The following ABHD2 variants were observed in gnomAD, a reference collection of about 807,000 sequenced individuals.
ABHD2 encodes the protein abhydrolase domain containing 2, acylglycerol lipase, also known as monoacylglycerol lipase ABHD2.
Under a neutral mutation model 48.1 loss-of-function variants are expected in ABHD2, and 20 were observed. The observed-to-expected ratio is 0.42, with a 90% CI of 0.29 to 0.60. ABHD2 has a LOEUF of 0.60. Ranked by LOEUF, ABHD2 falls within the 20% of genes least tolerant of loss-of-function variation. The pLI, the probability that ABHD2 is intolerant of heterozygous loss-of-function variation, is 0.24. For missense variants in ABHD2, 405 were observed against 550.9 expected, an observed-to-expected ratio of 0.74 and a Z score of 2.65; for synonymous variants, 209 against 214.2, an observed-to-expected ratio of 0.98 and a Z score of 0.21.
chr15:89,067,207 G>A, the ABHD2 span, among the ~76,000 whole-genome samples: 3 of 152,158 alleles, frequency 2.0e-5, no homozygotes, highest in African/African-American at 7.2e-5. Flanking sequence ...AGCTCTGGAA[G>A]CCCACACTAT....
chr15:89,117,848 A>G (rs2049985916), intron 3 of ABHD2, among the ~76,000 whole-genome samples: 1 of 152,176 alleles, frequency 6.6e-6, no homozygotes, highest in Non-Finnish European at 1.5e-5. Context: ...TAATTTTCAC[A>G]TGTACTATTA....
chr15:89,175,760 C>T lies in ABHD2; in HGVS notation c.539-52C>T. 6.2e-7 allele frequency: 1 copy of T among 1,603,200 alleles called. No individual in the cohort carries two copies. Among genetic ancestry groups the T allele is most frequent in the Non-Finnish European group, 8.5e-7 (1 of 1,172,966 alleles). On this transcript the variant is annotated intron_variant, in intron 5 of 10. Transcript: ENST00000352732. This position sits in a 1 kb window ranked among gnomAD's most constrained non-coding sequence, Gnocchi z 5.7. ...AGTAACGTTCCAGCTTGCATTTTCT[C>T]CAGATAGGATGCACCTGAAATGATT...
Position 89,130,927 on chromosome 15 carries a change from G to A in ABHD2, c.194+14406G>A, listed in dbSNP as rs74032745. 3.7e-3 allele frequency among the ~76,000 whole-genome samples: 569 copies of A among 152,276 alleles called. 5 individuals are homozygous for A. Among genetic ancestry groups the A allele is most frequent in the African/African-American group, 0.013 (550 of 41,544 alleles). On this transcript the variant is annotated intron_variant, in intron 3 of 10. Transcript: ENST00000352732. Reference sequence around the variant, plus strand: ...GAGAAGCAGCACACCTGTGTCCAGAGAAGAGGAGAATAATCATGGCCACAG... The same window carrying A: ...GAGAAGCAGCACACCTGTGTCCAGAAAAGAGGAGAATAATCATGGCCACAG...
chr15:89,051,298 A>T, the ABHD2 span, among the ~76,000 whole-genome samples: 1 of 152,216 alleles, frequency 6.6e-6, no homozygotes, highest in Non-Finnish European at 1.5e-5. Context: ...GATGCTTCAT[A>T]AATCCTATAT....
intron 3 of ABHD2, among the ~76,000 whole-genome samples, chr15:89,132,524 T>C (rs1049669040): frequency 6.6e-6 from 1 of 152,228 alleles, no homozygotes; most frequent in Non-Finnish European, 1.5e-5. Flanking sequence ...CAGATAGATA[T>C]AGATGAAAAG....
At position 89,116,560 on chromosome 15, in the gene ABHD2, A is replaced by G. The variant is rs1027951303; in HGVS notation, c.194+39A>G. On this transcript the variant is annotated intron_variant, in intron 3 of 10. Coordinates refer to ENST00000352732, the MANE Select transcript of ABHD2 (RefSeq NM_152924.5). This position sits in a 1 kb window ranked among gnomAD's most constrained non-coding sequence, Gnocchi z 4.6. ...ATGCCCTCTGTATGCTCAGCTGCTG[A>G]TGTATTTGGCTTTGTGTGATGTTCA... The G allele has an allele frequency of 2.5e-6, 4 of 1,583,440 alleles. No individual in the cohort carries two copies. The highest frequency in any genetic ancestry group is 1.8e-5 in the Admixed American group (1 of 56,080).
the ABHD2 span, among the ~76,000 whole-genome samples, chr15:89,071,206 G>C: frequency 6.6e-6 from 1 of 152,110 alleles, no homozygotes; most frequent in Admixed American, 6.5e-5. Context: ...GATCACCTGA[G>C]GTCAGGAGTT....
At chr15:89,078,711 C>G in the ABHD2 span, among the ~76,000 whole-genome samples, 1 of 150,228 alleles carries the variant, frequency 6.7e-6, no homozygotes, top group Non-Finnish European at 1.5e-5. Context: ...TGAATCTCAC[C>G]CTGACAATGT....
At position 89,177,212 on chromosome 15, in the gene ABHD2, TC is replaced by T. The variant is rs2051029154; in HGVS notation, c.722+1218del. Among the ~76,000 whole-genome samples the T allele has an allele frequency of 6.6e-6, 1 of 152,244 alleles. No individual in the cohort carries two copies. Among genetic ancestry groups the T allele is most frequent in the Non-Finnish European group, 1.5e-5 (1 of 68,046 alleles). On this transcript the variant is annotated intron_variant, in intron 6 of 10. Transcript: ENST00000352732. This position sits in a 1 kb window ranked among gnomAD's most constrained non-coding sequence, Gnocchi z 5.6. ...ATGATGATGATAAGCAGTACCTACC[TC>T]ATAGCACCGCTGAGAGTCAAATGAG...
Position 89,200,747 on chromosome 15 carries a change from C to A in ABHD2, c.*5324C>A. 4.3e-6 allele frequency: 1 copy of A among 234,202 alleles called. No individual in the cohort carries two copies. Among genetic ancestry groups the A allele is most frequent in the Non-Finnish European group, 8.8e-6 (1 of 114,018 alleles). The allele number at this position is 234,202 out of a possible 1,614,324, so 14.5% of individuals were successfully genotyped here. ...GTCAAGAGAAAAAAAAAAGAAATAGCACTCTGCATGCTTTGCTCTACAAGA... is the reference window on the plus strand; with the variant it reads ...GTCAAGAGAAAAAAAAAAGAAATAGAACTCTGCATGCTTTGCTCTACAAGA... On this transcript the variant is annotated 3_prime_UTR_variant, in exon 11 of 11. Coordinates refer to ENST00000352732, the MANE Select transcript of ABHD2 (RefSeq NM_152924.5).
rs138300896 is a variant in ABHD2 at position 89,141,804 on chromosome 15, G to T, written c.195-9873G>T. Among the ~76,000 whole-genome samples the T allele has an allele frequency of 2.6e-3, 394 of 152,290 alleles. 1 individual carries two copies. Among genetic ancestry groups the T allele is most frequent in the African/African-American group, 9.0e-3 (373 of 41,564 alleles). On this transcript the variant is annotated intron_variant, in intron 3 of 10. Transcript: ENST00000352732. ...ACGTTGACCAGCTCCTCAATAAACA[G>T]ATTTCTATCAGGAATATCTACCAGG... is the stretch of plus-strand genomic sequence containing the variant.
At position 89,155,433 on chromosome 15, in the gene ABHD2, T is replaced by C. The variant is rs750221014; in HGVS notation, c.437T>C (p.Phe146Ser). Residue 146 changes from phenylalanine (F) to serine (S), a missense_variant, in exon 5 of 11, where the codon TTC (phenylalanine) becomes TCC (serine). Phe to Ser is a radical substitution (Grantham distance 155). Transcript: ENST00000352732. The surrounding 1 kb of genome is among the most constrained non-coding windows in gnomAD (Gnocchi z 4.9). ...NHSEKQYIRT[F>S]VDYAQKNGYR... ...AGCGAGAAGCAATACATCCGCACTTTCGTTGACTACGCCCAGAAAAATGGC... is the reference window on the plus strand; with the variant it reads ...AGCGAGAAGCAATACATCCGCACTTCCGTTGACTACGCCCAGAAAAATGGC... 3 of 1,614,196 alleles carry C rather than the reference T, an allele frequency of 1.9e-6. No homozygotes were observed. Among genetic ancestry groups the C allele is most frequent in the Non-Finnish European group, 2.5e-6 (3 of 1,180,034 alleles).
chr15:89,156,172 G>A (rs2050670704), intron 5 of ABHD2, among the ~76,000 whole-genome samples: 1 of 134,026 alleles, frequency 7.5e-6, no homozygotes, highest in African/African-American at 2.8e-5. Context: ...CCAGGCTGGA[G>A]TGCAGTGGCA....
At chr15:89,099,310 T>G (rs1596061618) in intron 1 of ABHD2, among the ~76,000 whole-genome samples, 1 of 152,284 alleles carries the variant, frequency 6.6e-6, no homozygotes, top group South Asian at 2.1e-4. Context: ...AAAGTTATCA[T>G]GATTTGGCCA....
In ABHD2 at chr15:89,091,362, C is replaced by T. The variant is rs924971396; in HGVS notation, c.-107+2799C>T. 6.6e-6 allele frequency among the ~76,000 whole-genome samples: 1 copy of T among 152,160 alleles called. No homozygotes were observed. The highest frequency in any genetic ancestry group is 2.4e-5 in the African/African-American group (1 of 41,434). On this transcript the variant is annotated intron_variant, in intron 1 of 10. Coordinates refer to ENST00000352732, the MANE Select transcript of ABHD2 (RefSeq NM_152924.5). The surrounding 1 kb of genome is among the most constrained non-coding windows in gnomAD (Gnocchi z 5.5). ...TTTTTCTTGAGTTGATTCTGAATTT[C>T]GGTTTTTGTTTAAGCTGTTCTAGAG... is the stretch of plus-strand genomic sequence containing the variant.
upstream of ABHD2, chr15:89,082,653 G>T (rs1374451545): frequency 6.6e-6 from 1 of 152,304 alleles, no homozygotes; most frequent in Non-Finnish European, 1.5e-5. This position sits in a 1 kb window ranked among gnomAD's most constrained non-coding sequence, Gnocchi z 4.4. Context: ...TGTGCTTATT[G>T]CTCAGTCCTT....
chr15:89,194,513 G>A (rs961607450), intron 10 of ABHD2, among the ~76,000 whole-genome samples: 2 of 152,154 alleles, frequency 1.3e-5, no homozygotes, highest in Non-Finnish European at 1.5e-5. Flanking sequence ...AGCATGTGGC[G>A]TTGAGAGCTT....
At chr15:89,129,160 A>G (rs1252138551) in intron 3 of ABHD2, among the ~76,000 whole-genome samples, 2 of 152,108 alleles carry the variant, frequency 1.3e-5, no homozygotes, top group East Asian at 3.9e-4. Flanking sequence ...TGGGAGCTCA[A>G]GACCAGATGT....
At chr15:89,077,301 C>T in the ABHD2 span, among the ~76,000 whole-genome samples, 1 of 152,194 alleles carries the variant, frequency 6.6e-6, no homozygotes, top group Non-Finnish European at 1.5e-5. Context: ...TGGTGGCATG[C>T]TTATCGTAAT....
Sources: gnomAD v4.1 joint callset for allele counts (sites outside exome capture counted in the v4.1 genomes callset) on GRCh38, gnomAD v4.1.1 for gene constraint, Gnocchi (gnomAD v3.1) non-coding constraint, MANE v1.5 for transcripts, NCBI Gene and HGNC (gene_info 2026-07-23, HGNC 2026-07-21) for gene names.